The following RAMP1 variants were observed in gnomAD, a reference collection of about 807,000 sequenced individuals.
RAMP1 encodes receptor activity modifying protein 1.
Under a neutral mutation model 8.2 loss-of-function variants are expected in RAMP1, and 7 were observed. That is an observed-to-expected ratio of 0.85 (90% CI 0.49 to 1.60). The LOEUF is 1.60. Ranked by LOEUF, RAMP1 falls within the 40% of genes most tolerant of loss-of-function variation. The pLI, the probability that RAMP1 is intolerant of heterozygous loss-of-function variation, is 0.00. For missense variants in RAMP1, 192 were observed against 202.4 expected (o/e 0.95, Z 0.31); for synonymous variants, 92 against 84.7 (o/e 1.09, Z -0.47).
intron 1 of RAMP1, among the ~76,000 whole-genome samples, chr2:237,876,608 C>G (rs958428046): frequency 1.3e-5 from 2 of 152,254 alleles, no homozygotes; most frequent in East Asian, 3.9e-4. Context: ...GAAGAAGAAG[C>G]CTGGTGGGTG....
At chr2:237,889,937 C>G (rs1487413766) in intron 2 of RAMP1, among the ~76,000 whole-genome samples, 1 of 151,894 alleles carries the variant, frequency 6.6e-6, no homozygotes, top group Non-Finnish European at 1.5e-5. Flanking sequence ...TGCTTTTTAG[C>G]GAATAGTAGG....
chr2:237,868,595 A>C (rs983420367), intron 1 of RAMP1, among the ~76,000 whole-genome samples: 1,651 of 152,110 alleles, frequency 0.011, 35 homozygotes, highest in African/African-American at 0.037. Flanking sequence ...AAAAACAAAA[A>C]AAAAAAAACA....
chr2:237,909,601 G>C (rs1189154021), intron 2 of RAMP1, among the ~76,000 whole-genome samples: 7 of 152,142 alleles, frequency 4.6e-5, no homozygotes, highest in Admixed American at 2.6e-4. Flanking sequence ...AGCCGGCGTG[G>C]TCTGGGCTCT....
chr2:237,868,213 T>G (rs957802047), intron 1 of RAMP1, among the ~76,000 whole-genome samples: 1 of 152,034 alleles, frequency 6.6e-6, no homozygotes, highest in Non-Finnish European at 1.5e-5. Context: ...CCAGCTAATT[T>G]TTGTATTTTT....
intron 1 of RAMP1, among the ~76,000 whole-genome samples, chr2:237,867,950 C>A (rs1474275413): frequency 6.6e-6 from 1 of 151,992 alleles, no homozygotes; most frequent in African/African-American, 2.4e-5. Flanking sequence ...TTTTCACCTG[C>A]AAAACCACCG....
chr2:237,910,889 T>TCA (rs951987669), intron 2 of RAMP1, among the ~76,000 whole-genome samples: 1 of 140,886 alleles, frequency 7.1e-6, no homozygotes, highest in Admixed American at 7.0e-5. Flanking sequence ...TCACACACAG[T>TCA]CACACACACA....
chr2:237,864,623 G>A (rs2062168111), intron 1 of RAMP1, among the ~76,000 whole-genome samples: 2 of 152,208 alleles, frequency 1.3e-5, no homozygotes, highest in Admixed American at 6.5e-5. Flanking sequence ...GTCAGGACTC[G>A]GAGGGGGCAA....
At chr2:237,894,190 T>C (rs2062514599) in intron 2 of RAMP1, among the ~76,000 whole-genome samples, 1 of 151,974 alleles carries the variant, frequency 6.6e-6, no homozygotes, top group South Asian at 2.1e-4. Context: ...AGGCTGGTCT[T>C]GAACTCCTGA....
chr2:237,863,513 G>C (rs1576530288), intron 1 of RAMP1, among the ~76,000 whole-genome samples: 1 of 152,182 alleles, frequency 6.6e-6, no homozygotes, highest in East Asian at 1.9e-4. Flanking sequence ...GGCCACCATA[G>C]GAGGGCTCCC....
intron 1 of RAMP1, among the ~76,000 whole-genome samples, chr2:237,861,103 A>G (rs1418996399): frequency 1.3e-5 from 2 of 152,196 alleles, no homozygotes; most frequent in African/African-American, 2.4e-5. Context: ...TATTTTTTAC[A>G]TAAATAACCA....
At chr2:237,866,095 G>A (rs2062184543) in intron 1 of RAMP1, among the ~76,000 whole-genome samples, 1 of 151,928 alleles carries the variant, frequency 6.6e-6, no homozygotes, top group Non-Finnish European at 1.5e-5. Flanking sequence ...ACTGGTCAGG[G>A]AGGATTACAT....
chr2:237,890,526 T>C (rs1432198343), intron 2 of RAMP1, among the ~76,000 whole-genome samples: 2 of 152,184 alleles, frequency 1.3e-5, no homozygotes, highest in Non-Finnish European at 2.9e-5. Context: ...ATGTGAGAAT[T>C]ACTTATTTCT....
At chr2:237,859,462 G>C (rs2150999445), upstream of RAMP1, 1 of 158,318 alleles carries the variant, frequency 6.3e-6, no homozygotes, top group Admixed American at 6.5e-5. Flanking sequence ...AGACGCCCGC[G>C]CGGCCCCCCT....
intron 2 of RAMP1, among the ~76,000 whole-genome samples, chr2:237,899,664 A>T (rs181224281): frequency 3.7e-4 from 56 of 152,362 alleles, no homozygotes; most frequent in African/African-American, 1.3e-3. Context: ...AGCGAAGGGC[A>T]TCTGTTCCGT....
chr2:237,887,688 C>A (rs2062447549), intron 2 of RAMP1, among the ~76,000 whole-genome samples: 1 of 152,210 alleles, frequency 6.6e-6, no homozygotes, highest in South Asian at 2.1e-4. Context: ...CCTGCAATCC[C>A]AGCACTTTGG....
In RAMP1 at chr2:237,859,743, G is replaced by A. The variant is rs1294750755; in HGVS notation, c.52+16G>A. Reference sequence around the variant, plus strand: ...CTGCTCCTGGGTGAGTAGGTCCAGGGGTCCCGGCCGAGCTCCCTTCCCCTG... The same window carrying A: ...CTGCTCCTGGGTGAGTAGGTCCAGGAGTCCCGGCCGAGCTCCCTTCCCCTG... On this transcript the variant is annotated intron_variant, in intron 1 of 2. Coordinates refer to ENST00000254661, the MANE Select transcript of RAMP1 (RefSeq NM_005855.4). The A allele has an allele frequency of 1.3e-6, 2 of 1,506,086 alleles. No individual in the cohort carries two copies. Among genetic ancestry groups the A allele is most frequent in the African/African-American group, 2.9e-5 (2 of 68,944 alleles). The allele number at this position is 1,506,086 out of a possible 1,614,324, so 93.3% of individuals were successfully genotyped here.
chr2:237,893,116 G>A (rs754706932), intron 2 of RAMP1, among the ~76,000 whole-genome samples: 2 of 152,164 alleles, frequency 1.3e-5, no homozygotes, highest in African/African-American at 2.4e-5. Context: ...GCTCTCTGCC[G>A]TCTTTGCAAC....
chr2:237,888,283 G>T (rs1267316039), intron 2 of RAMP1, among the ~76,000 whole-genome samples: 1 of 152,128 alleles, frequency 6.6e-6, no homozygotes, highest in Non-Finnish European at 1.5e-5. Flanking sequence ...TCAAACTCCT[G>T]ATCTCAGGTG....
intron 2 of RAMP1, among the ~76,000 whole-genome samples, chr2:237,910,631 A>G (rs1437472285): frequency 2.0e-5 from 3 of 151,832 alleles, no homozygotes; most frequent in African/African-American, 4.8e-5. Context: ...TAACAGTCAC[A>G]CAGAATAACA....
Sources: allele counts gnomAD v4.1 joint callset (sites outside exome capture counted in the v4.1 genomes callset), GRCh38; gene constraint gnomAD v4.1.1; transcripts MANE v1.5; gene names NCBI Gene and HGNC (gene_info 2026-07-23, HGNC 2026-07-21).